FREM2: variants seen among roughly 807,000 people sequenced by gnomAD.
FREM2 encodes the protein FRAS1 related extracellular matrix 2, also known as FRAS1-related extracellular matrix protein 2.
In FREM2, 119 loss-of-function variants were observed where a neutral mutation model predicts 219.9. The observed-to-expected ratio is 0.54, with a 90% CI of 0.47 to 0.63. FREM2 has a LOEUF of 0.63. FREM2 is among the 30% of genes least tolerant of loss of function. The pLI is 0.00. For synonymous variants in FREM2, 1,562 were observed against 1,522.8 expected (o/e 1.03, Z -0.60); for missense variants, 4,030 against 3,993.6 (o/e 1.01, Z -0.25).
At chr13:38,730,930 G>GT (rs11368804) in intron 2 of FREM2, among the ~76,000 whole-genome samples, 106,476 of 148,812 alleles carry the variant, frequency 0.72, 38,442 homozygotes, top group Middle Eastern at 0.79. Flanking sequence ...TTTTCTGTAA[G>GT]TTTTTTTTTT....
At position 38,880,568 on chromosome 13, in the gene FREM2, C is replaced by T; in HGVS notation, c.9291C>T (p.Ile3097=). The T allele has an allele frequency of 2.5e-6, 4 of 1,614,148 alleles. No individual in the cohort carries two copies. Among genetic ancestry groups the T allele is most frequent in the Non-Finnish European group, 3.4e-6 (4 of 1,180,008 alleles). Residue 3097 remains isoleucine (I), a synonymous_variant, in exon 24 of 24, where the codon ATC becomes ATT. Coordinates refer to ENST00000280481, the MANE Select transcript of FREM2 (RefSeq NM_207361.6). ...IPHGRAPPDG[I]LPWELNSPSS... ...ATGGGAGAGCACCTCCAGATGGCAT[C>T]CTCCCCTGGGAGCTCAACAGCCCCA...
At chr13:38,784,508 TTTGTC>T (rs1417552539) in intron 5 of FREM2, 44 bp from the exon 6 acceptor site, 6 of 1,604,674 alleles carry the variant, frequency 3.7e-6, no homozygotes, top group Non-Finnish European at 5.1e-6. Flanking sequence ...TGGAAATATC[TTTGTC>T]TTATGTTCTA....
intron 6 of FREM2, among the ~76,000 whole-genome samples, chr13:38,825,571 G>C (rs1312974907): frequency 1.3e-5 from 2 of 152,094 alleles, no homozygotes; most frequent in African/African-American, 4.8e-5. Context: ...AGCCTGCAGT[G>C]AGGCATTGTC....
chr13:38,751,222 A>G (rs1297367401), intron 2 of FREM2, among the ~76,000 whole-genome samples: 10 of 128,868 alleles, frequency 7.8e-5, no homozygotes, highest in Non-Finnish European at 1.6e-4. Context: ...GAACTTCTGT[A>G]TTGTTTTTCA....
Position 38,848,561 on chromosome 13 carries a change from A to C in FREM2, c.6270A>C (p.Pro2090=), listed in dbSNP as rs1877250081. ...TCATTCTGGATGACCTTGGACAACCAGCGCTGGAGGGAATTGAGAAATTTG... is the reference window on the plus strand; with the variant it reads ...TCATTCTGGATGACCTTGGACAACCCGCGCTGGAGGGAATTGAGAAATTTG... The part of the protein sequence containing the change: ...RVVILDDLGQ[P]ALEGIEKFEL... Residue 2090 remains proline, a synonymous_variant, in exon 8 of 24, where the codon CCA becomes CCC. Transcript: ENST00000280481. 6.2e-7 allele frequency: 1 copy of C among 1,613,970 alleles called. No individual in the cohort carries two copies. The highest frequency in any genetic ancestry group is 8.5e-7 in the Non-Finnish European group (1 of 1,179,960).
At position 38,691,291 on chromosome 13, in the gene FREM2, T is replaced by C. The variant is rs569457298; in HGVS notation, c.3947T>C (p.Ile1316Thr). The change falls in exon 1 of 24, where the codon ATT becomes ACT. Residue 1316 changes from isoleucine to threonine, a missense_variant. Around this residue, in one of 2 missense-constraint regions of FREM2, gnomAD observed 3,102 missense variants for 2,950.7 expected, o/e 1.05. Transcript: ENST00000280481. The part of the protein sequence containing the change: ...MTINNGLEIE[I>T]GDTKIINNKI... ...ATCAATAATGGACTAGAAATAGAAA[T>C]TGGGGATACCAAGATTATCAACAAC... 6.2e-7 allele frequency: 1 copy of C among 1,613,986 alleles called. No individual in the cohort carries two copies. Among genetic ancestry groups the C allele is most frequent in the African/African-American group, 1.3e-5 (1 of 75,018 alleles).
At position 38,688,806 on chromosome 13, in the gene FREM2, C is replaced by T. The variant is rs777397051; in HGVS notation, c.1462C>T (p.Arg488Trp). The T allele has an allele frequency of 1.9e-6, 3 of 1,614,002 alleles. No individual in the cohort carries two copies. The highest frequency in any genetic ancestry group is 1.1e-5 in the South Asian group (1 of 91,074). ...AVRLEVVAGLRHGHLVILGAS... is the reference protein window; with the variant it reads ...AVRLEVVAGLWHGHLVILGAS... Reference sequence around the variant, plus strand: ...GCGGCTAGAGGTGGTGGCTGGGCTCCGGCATGGTCACCTTGTCATTCTGGG... The same window carrying T: ...GCGGCTAGAGGTGGTGGCTGGGCTCTGGCATGGTCACCTTGTCATTCTGGG... Residue 488 changes from arginine to tryptophan, a missense_variant, in exon 1 of 24, where the codon CGG becomes TGG. Transcript: ENST00000280481.
rs1019883498 is a variant in FREM2 at position 38,688,090 on chromosome 13, C to T, written c.746C>T (p.Pro249Leu). Residue 249 changes from proline to leucine, a missense_variant, in exon 1 of 24, where the codon CCG (proline) becomes CTG (leucine). Pro to Leu is a moderately conservative substitution (Grantham distance 98). Around this residue, in one of 2 missense-constraint regions of FREM2, gnomAD observed 3,102 missense variants for 2,950.7 expected, o/e 1.05. Transcript: ENST00000280481. ...GGAGGAGCCAGAGAGGGAGGCGCCC[C>T]GGAGACTCTCCTGATGGACTGCAAA... ...VPGGAREGGA[P>L]ETLLMDCKAF... 1 of 1,609,780 alleles carries T rather than the reference C, an allele frequency of 6.2e-7. No individual in the cohort carries two copies. The highest frequency in any genetic ancestry group is 1.1e-5 in the South Asian group (1 of 91,004).
chr13:38,758,950 T>C (rs973252644), intron 2 of FREM2, among the ~76,000 whole-genome samples: 1 of 152,172 alleles, frequency 6.6e-6, no homozygotes, highest in Non-Finnish European at 1.5e-5. Context: ...GGAGGATCAC[T>C]TGAGCCCAGG....
chr13:38,725,462 G>A (rs1041872659), intron 2 of FREM2, among the ~76,000 whole-genome samples: 3 of 152,170 alleles, frequency 2.0e-5, no homozygotes, highest in Non-Finnish European at 4.4e-5. Context: ...CAAAGAAAGC[G>A]CCAGTTATGC....
rs558045384 is a variant in FREM2 at position 38,752,906 on chromosome 13, G to C, written c.5264-11398G>C. On this transcript the variant is annotated intron_variant, in intron 2 of 23. Coordinates refer to ENST00000280481, the MANE Select transcript of FREM2 (RefSeq NM_207361.6). Reference sequence around the variant, plus strand: ...TTTAGCTCAGAGTCTCCTTTGGGGTGCGGGGAGAAGTCTGGCGCCACAAAA... The same window carrying C: ...TTTAGCTCAGAGTCTCCTTTGGGGTCCGGGGAGAAGTCTGGCGCCACAAAA... Among the ~76,000 whole-genome samples the C allele has an allele frequency of 9.9e-5, 15 of 152,248 alleles. No individual in the cohort carries two copies. The East Asian group carries it at 2.5e-3, about 26-fold the overall frequency.
chr13:38,818,551 A>G (rs1266543312), intron 6 of FREM2, among the ~76,000 whole-genome samples: 1 of 152,150 alleles, frequency 6.6e-6, no homozygotes, highest in African/African-American at 2.4e-5. Context: ...AGGAGAAAGG[A>G]GAGGTAGATG....
intron 6 of FREM2, among the ~76,000 whole-genome samples, chr13:38,832,825 G>C (rs1286797147): frequency 6.6e-6 from 1 of 151,958 alleles, no homozygotes; most frequent in Non-Finnish European, 1.5e-5. Flanking sequence ...CGGACAGATC[G>C]CTTGAGTCCA....
intron 2 of FREM2, among the ~76,000 whole-genome samples, chr13:38,709,800 C>T (rs1453606694): frequency 6.6e-6 from 1 of 150,582 alleles, no homozygotes; most frequent in African/African-American, 2.4e-5. Context: ...TACCCTTAAA[C>T]TGCTTATTAT....
chr13:38,699,125 A>G (rs890180654), intron 2 of FREM2, among the ~76,000 whole-genome samples: 2 of 152,146 alleles, frequency 1.3e-5, no homozygotes, highest in Admixed American at 6.6e-5. Context: ...TCTCTGTAAC[A>G]TATATAAAAA....
rs1878711715 is a variant in FREM2, at chr13:38,885,983, C to A, written c.*5196C>A. On this transcript the variant is annotated 3_prime_UTR_variant, in exon 24 of 24. Transcript: ENST00000280481. ...TTATAATTATCAAATGCACAATGTT[C>A]TTTTACTATGCCAAATGTTGCCTAC... 1 of 152,146 alleles carries A rather than the reference C, an allele frequency of 6.6e-6. No homozygotes were observed. Among genetic ancestry groups the A allele is most frequent in the Admixed American group, 6.5e-5 (1 of 15,276 alleles). 9.4% of individuals were successfully genotyped at this position (152,146 alleles called of 1,614,324 possible).
intron 6 of FREM2, among the ~76,000 whole-genome samples, chr13:38,828,234 GGAT>G (rs1164336759): frequency 6.6e-6 from 1 of 152,062 alleles, no homozygotes; most frequent in Non-Finnish European, 1.5e-5. Context: ...TGTAAAATGA[GGAT>G]GATAATAGTT....
At chr13:38,753,754 C>G (rs557443922) in intron 2 of FREM2, among the ~76,000 whole-genome samples, 1 of 152,226 alleles carries the variant, frequency 6.6e-6, no homozygotes, top group East Asian at 1.9e-4. Context: ...CACCTGAATT[C>G]CTTATCCTAG....
At chr13:38,813,944 A>G (rs1181750528) in intron 6 of FREM2, among the ~76,000 whole-genome samples, 2 of 151,826 alleles carry the variant, frequency 1.3e-5, no homozygotes, top group Non-Finnish European at 2.9e-5. Flanking sequence ...AAGCTCACTA[A>G]TTCTTTATCC....
Sources: allele counts gnomAD v4.1 joint callset (sites outside exome capture counted in the v4.1 genomes callset), GRCh38; gene constraint gnomAD v4.1.1; regional missense constraint gnomAD v4.1.1; transcripts MANE v1.5; gene names NCBI Gene and HGNC (gene_info 2026-07-23, HGNC 2026-07-21).